The following NRXN1 variants were observed in gnomAD, a reference collection of about 807,000 sequenced individuals.
NRXN1 encodes the protein neurexin 1, also known as neurexin-1.
Under a neutral mutation model 150.9 loss-of-function variants are expected in NRXN1, and 39 were observed. The ratio of observed to expected loss-of-function variants is 0.26; its 90% CI spans 0.20 to 0.34. The LOEUF (loss-of-function observed/expected upper bound fraction) is 0.34, where lower values mean the gene tolerates loss of function less well. NRXN1 is among the 10% of genes least tolerant of loss of function. NRXN1 has a pLI of 1.00. For missense variants in NRXN1, 1,815 were observed against 1,949.9 expected (o/e 0.93, Z 1.30); for synonymous variants, 924 against 757.0 (o/e 1.22, Z -3.62).
chr2:50,431,579 A>G (rs2084967791), intron 17 of NRXN1, among the ~76,000 whole-genome samples: 1 of 152,166 alleles, frequency 6.6e-6, no homozygotes, highest in African/African-American at 2.4e-5. Flanking sequence ...AGTATTTCAC[A>G]TTAAAAAACC....
chr2:50,536,106 T>C (rs1341105541), intron 10 of NRXN1, among the ~76,000 whole-genome samples: 2 of 152,184 alleles, frequency 1.3e-5, no homozygotes, highest in African/African-American at 4.8e-5. Context: ...TTAACTGAAC[T>C]AGGGCATAAT....
At chr2:50,227,801 T>C (rs1383473203) in intron 18 of NRXN1, among the ~76,000 whole-genome samples, 1 of 152,020 alleles carries the variant, frequency 6.6e-6, no homozygotes, top group East Asian at 1.9e-4. Flanking sequence ...CTTCTAAAAA[T>C]TGCTGTTCAG....
chr2:50,919,933 A>G, intron 5 of NRXN1: 5 of 308,392 alleles, frequency 1.6e-5, no homozygotes, highest in South Asian at 1.3e-4. Flanking sequence ...TCCTTGTTAT[A>G]TGAACACTCT....
intron 18 of NRXN1, among the ~76,000 whole-genome samples, chr2:50,203,806 A>G (rs2062364010): frequency 6.6e-6 from 1 of 152,044 alleles, no homozygotes; most frequent in Admixed American, 6.6e-5. Flanking sequence ...TTTCTTCTTC[A>G]TTTTTTTCTT....
chr2:50,250,687 G>A (rs921016023), intron 17 of NRXN1, among the ~76,000 whole-genome samples: 1 of 151,908 alleles, frequency 6.6e-6, no homozygotes. Flanking sequence ...TAATATTAAT[G>A]TCATAAGAAA....
At chr2:50,484,155 A>G (rs572990918) in intron 15 of NRXN1, among the ~76,000 whole-genome samples, 2 of 152,362 alleles carry the variant, frequency 1.3e-5, no homozygotes, top group Non-Finnish European at 2.9e-5. Flanking sequence ...ACAAAGTAGT[A>G]TAAAGCACAC....
chr2:50,658,411 G>GGTGTGTGTGTGTGTGTGTGT (rs58970263), intron 5 of NRXN1, among the ~76,000 whole-genome samples: 16,429 of 144,478 alleles, frequency 0.11, 1,092 homozygotes, highest in East Asian at 0.21. Context: ...TGCATTCACT[G>GGTGTGTGTGTGTGTGTGTGT]GTGTGTGTGT....
chr2:50,614,018 G>A (rs189530585), intron 8 of NRXN1, among the ~76,000 whole-genome samples: 3 of 152,166 alleles, frequency 2.0e-5, no homozygotes, highest in Non-Finnish European at 4.4e-5. Flanking sequence ...TATGGAAAAT[G>A]TTTAGGAAAA....
chr2:50,288,771 A>T (rs1337996742), intron 17 of NRXN1, among the ~76,000 whole-genome samples: 1 of 152,176 alleles, frequency 6.6e-6, no homozygotes, highest in Non-Finnish European at 1.5e-5. Context: ...CCTTCTCAGG[A>T]CACGTGGGAA....
At chr2:50,283,154 A>C (rs1389659576) in intron 17 of NRXN1, among the ~76,000 whole-genome samples, 1 of 152,210 alleles carries the variant, frequency 6.6e-6, no homozygotes, top group African/African-American at 2.4e-5. Context: ...TGAATATAAA[A>C]AAGTATTACC....
intron 17 of NRXN1, among the ~76,000 whole-genome samples, chr2:50,300,781 C>T (rs991615224): frequency 2.6e-5 from 4 of 152,100 alleles, no homozygotes; most frequent in Admixed American, 1.3e-4. Context: ...CTGCAATCTC[C>T]GCCTCCCAGG....
At chr2:50,007,233 C>A (rs541138441) in intron 21 of NRXN1, among the ~76,000 whole-genome samples, 1 of 152,186 alleles carries the variant, frequency 6.6e-6, no homozygotes, top group East Asian at 1.9e-4. Context: ...GTAGTACCAT[C>A]TCCTAAGGAG....
rs367879622 is a variant in NRXN1, at chr2:50,939,004, G to T, written c.773-13049C>A. Among the ~76,000 whole-genome samples, 27 of 152,178 alleles carry T rather than the reference G, an allele frequency of 1.8e-4. No homozygotes were observed. In the East Asian group the frequency reaches 4.1e-3, roughly 23 times the overall value. ...AGGCAGGAGGATCACGAGGTCAGGA[G>T]ATCGAGACCATCCTGGTTAACATGG... On this transcript the variant is annotated intron_variant, in intron 2 of 22. Transcript: ENST00000401669.
chr2:50,220,313 C>A (rs995529119), intron 18 of NRXN1, among the ~76,000 whole-genome samples: 1 of 151,780 alleles, frequency 6.6e-6, no homozygotes, highest in Non-Finnish European at 1.5e-5. Context: ...AAGACCAAGA[C>A]AGAGTGTGCA....
chr2:50,163,170 A>G (rs2059464734), intron 18 of NRXN1, among the ~76,000 whole-genome samples: 1 of 148,022 alleles, frequency 6.8e-6, no homozygotes, highest in South Asian at 2.1e-4. Flanking sequence ...AAATGTATAT[A>G]TATATATATA....
chr2:50,903,960 C>A (rs1683304614), intron 5 of NRXN1, among the ~76,000 whole-genome samples: 1 of 152,110 alleles, frequency 6.6e-6, no homozygotes, highest in Non-Finnish European at 1.5e-5. Flanking sequence ...GAGACCCTTC[C>A]TTTATAGACA....
chr2:50,124,819 C>A (rs996110873), intron 18 of NRXN1, among the ~76,000 whole-genome samples: 1 of 152,224 alleles, frequency 6.6e-6, no homozygotes, highest in South Asian at 2.1e-4. Context: ...CTTTTCTTCT[C>A]ACTACCACAT....
intron 5 of NRXN1, among the ~76,000 whole-genome samples, chr2:50,769,588 A>G (rs968799798): frequency 6.6e-6 from 1 of 152,050 alleles, no homozygotes; most frequent in Non-Finnish European, 1.5e-5. Flanking sequence ...GTTTAGAGAC[A>G]TTAGGAAACC....
chr2:50,538,050 A>C (rs1290640434), intron 10 of NRXN1, among the ~76,000 whole-genome samples: 3 of 152,226 alleles, frequency 2.0e-5, no homozygotes, highest in Non-Finnish European at 4.4e-5. Flanking sequence ...TATACTTAAG[A>C]ACTGTGTCCT....
Sources: gnomAD v4.1 joint callset for allele counts (sites outside exome capture counted in the v4.1 genomes callset) on GRCh38, gnomAD v4.1.1 for gene constraint, MANE v1.5 for transcripts, NCBI Gene and HGNC (gene_info 2026-07-23, HGNC 2026-07-21) for gene names.